The following HSPBP1 variants were observed in gnomAD, a reference collection of about 807,000 sequenced individuals.
HSPBP1 encodes HSPA (Hsp70) binding protein 1.
A neutral mutation model predicts 41.7 loss-of-function variants in HSPBP1; 31 were observed. The observed-to-expected ratio is 0.74, with a 90% CI of 0.56 to 1.00. The LOEUF (loss-of-function observed/expected upper bound fraction) is 1.00. HSPBP1 is among the 50% of genes least tolerant of loss of function. HSPBP1 has a pLI of 0.00. For missense variants in HSPBP1, 439 were observed against 487.9 expected, an observed-to-expected ratio of 0.90 and a Z score of 0.94; for synonymous variants, 199 against 214.4, an observed-to-expected ratio of 0.93 and a Z score of 0.63.
At position 55,275,322 on chromosome 19, in the gene HSPBP1, C is replaced by T. The variant is rs114371669; in HGVS notation, c.416-700G>A. ...CTAAAAAAATGAAATACAGATTCCC[C>T]GTGACCCAGCAATTCCGCACCAAGG... On this transcript the variant is annotated intron_variant, in intron 3 of 7. Coordinates refer to ENST00000433386, the MANE Select transcript of HSPBP1 (RefSeq NM_012267.5). Among the ~76,000 whole-genome samples, 1,406 of 152,242 alleles carry T rather than the reference C, an allele frequency of 9.2e-3. 15 individuals are homozygous for T. The highest frequency in any genetic ancestry group is 0.027 in the African/African-American group (1,140 of 41,508).
chr19:55,265,051 C>T (rs554734659), intron 7 of HSPBP1, among the ~76,000 whole-genome samples: 144 of 150,090 alleles, frequency 9.6e-4, no homozygotes, highest in Non-Finnish European at 1.3e-3. Context: ...TCCCCTCCCC[C>T]GGCACACGAT....
chr19:55,277,273 T>G (rs1422541682), intron 3 of HSPBP1, among the ~76,000 whole-genome samples: 2 of 152,218 alleles, frequency 1.3e-5, no homozygotes, highest in Non-Finnish European at 2.9e-5. Flanking sequence ...CTGTCTGGAA[T>G]GCTTTTCCCA....
intron 7 of HSPBP1, among the ~76,000 whole-genome samples, chr19:55,263,799 A>G (rs2087705276): frequency 6.6e-6 from 1 of 152,176 alleles, no homozygotes; most frequent in African/African-American, 2.4e-5. Flanking sequence ...GGGTAGCCAG[A>G]AGGAGGGGCA....
intron 7 of HSPBP1, among the ~76,000 whole-genome samples, chr19:55,264,337 C>T (rs1246803274): frequency 6.6e-6 from 1 of 152,172 alleles, no homozygotes; most frequent in Non-Finnish European, 1.5e-5. Context: ...TAGAATATAA[C>T]GTCCCAAGGA....
In HSPBP1 at chr19:55,265,885, C is replaced by T; in HGVS notation, c.893+1G>A. On this transcript the variant is annotated splice_donor_variant, in intron 6 of 7. Coordinates refer to ENST00000433386, the MANE Select transcript of HSPBP1 (RefSeq NM_012267.5). LOFTEE classifies it high-confidence loss of function. ...CCCGTCCTCTCAAGGAGCCAAAGTA[C>T]CTGCACAGGGCTCCAAGCACGTGCT... 6.2e-7 allele frequency: 1 copy of T among 1,601,846 alleles called. No individual in the cohort carries two copies. The highest frequency in any genetic ancestry group is 8.5e-7 in the Non-Finnish European group (1 of 1,175,500).
At chr19:55,266,411 T>TACCACCA (rs2087780992) in intron 4 of HSPBP1, 125 bp from the exon 5 acceptor site, 1 of 337,100 alleles carries the variant, frequency 3.0e-6, no homozygotes, top group Non-Finnish European at 4.3e-6. Context: ...CACCACTATC[T>TACCACCA]TCACCACCAT....
At chr19:55,273,785 G>A (rs960789027) in intron 4 of HSPBP1, among the ~76,000 whole-genome samples, 1 of 152,088 alleles carries the variant, frequency 6.6e-6, no homozygotes, top group African/African-American at 2.4e-5. Flanking sequence ...AGGATAAAAA[G>A]AATTTGTGGC....
chr19:55,262,798 C>A, intron 7 of HSPBP1, 116 bp from the exon 8 acceptor site: 1 of 879,438 alleles, frequency 1.1e-6, no homozygotes. Flanking sequence ...ACCCACTCCC[C>A]CCCACCAGAG....
intron 4 of HSPBP1, among the ~76,000 whole-genome samples, chr19:55,273,851 G>A (rs1243437121): frequency 6.6e-6 from 1 of 152,092 alleles, no homozygotes. Flanking sequence ...AAGGCGGGAG[G>A]ATCCCTTGAG....
At chr19:55,267,505 G>C (rs1450024517) in intron 4 of HSPBP1, among the ~76,000 whole-genome samples, 2 of 149,378 alleles carry the variant, frequency 1.3e-5, no homozygotes, top group African/African-American at 2.5e-5. Context: ...CTATCATCCA[G>C]GCTAGAGTGC....
chr19:55,276,471 A>G (rs995963491), intron 3 of HSPBP1, among the ~76,000 whole-genome samples: 2 of 152,124 alleles, frequency 1.3e-5, no homozygotes, highest in Non-Finnish European at 1.5e-5. Context: ...ATACACATAT[A>G]TATTTATATT....
rs3040014 is a variant in HSPBP1 at position 55,279,518 on chromosome 19, AGCC to A, written c.88_90del (p.Gly30del). ...GAATTGCCCGAGCCCCCAGCCGAGGAGCCGCCGCCGCCGCCCCCTGAAGAGCAA... is the reference window on the plus strand; with the variant it reads ...GAATTGCCCGAGCCCCCAGCCGAGGAGCCGCCGCCGCCCCCTGAAGAGCAA... On this transcript the variant is annotated inframe_deletion, in exon 2 of 8. Coordinates refer to ENST00000433386, the MANE Select transcript of HSPBP1 (RefSeq NM_012267.5). 6 of 1,597,846 alleles carry A rather than the reference AGCC, an allele frequency of 3.8e-6. No homozygotes were observed. Among genetic ancestry groups the A allele is most frequent in the East Asian group, 4.5e-5 (2 of 44,082 alleles).
intron 4 of HSPBP1, among the ~76,000 whole-genome samples, chr19:55,273,829 C>T (rs530625497): frequency 6.6e-6 from 1 of 152,166 alleles, no homozygotes; most frequent in African/African-American, 2.4e-5. Flanking sequence ...AACCTCAACA[C>T]TTTCAGAGGC....
rs772659311 is a variant in HSPBP1, at chr19:55,277,765, G to A, written c.292C>T (p.Arg98Ter). The change falls in exon 3 of 8, where the codon CGA (arginine) becomes TGA (stop). Residue 98 changes from arginine (R) to a stop codon, truncating the protein, a stop_gained. Coordinates refer to ENST00000433386, the MANE Select transcript of HSPBP1 (RefSeq NM_012267.5). LOFTEE classifies it high-confidence loss of function. The part of the protein sequence containing the change: ...EEVEQMKSCL[R>*]VLSQPMPPTA... ...GGGGGCATGGGCTGTGACAGCACTCGGAGGCAGCTCTTCATCTGCTCCACC... is the reference window on the plus strand; with the variant it reads ...GGGGGCATGGGCTGTGACAGCACTCAGAGGCAGCTCTTCATCTGCTCCACC... The A allele has an allele frequency of 9.3e-6, 15 of 1,606,628 alleles. No individual in the cohort carries two copies. The East Asian group carries it at 1.1e-4, about 12-fold the overall frequency.
Position 55,262,504 on chromosome 19 carries a change from A to G in HSPBP1, c.*104T>C. On this transcript the variant is annotated 3_prime_UTR_variant, in exon 8 of 8. Coordinates refer to ENST00000433386, the MANE Select transcript of HSPBP1 (RefSeq NM_012267.5). ...AGACGGGCTGGCACACCCTGGGTCC[A>G]GGCACCTAGGCCCTGCGATCCCTTG... The G allele has an allele frequency of 1.3e-6, 2 of 1,525,882 alleles. No individual in the cohort carries two copies. The highest frequency in any genetic ancestry group is 1.4e-5 in the African/African-American group (1 of 72,878). The allele number at this position is 1,525,882 out of a possible 1,614,324, so 94.5% of individuals were successfully genotyped here.
chr19:55,274,903 G>C (rs552292173), intron 3 of HSPBP1, among the ~76,000 whole-genome samples: 1 of 152,142 alleles, frequency 6.6e-6, no homozygotes, highest in Non-Finnish European at 1.5e-5. Context: ...GCCAAGGAGA[G>C]GGGGGCTCAG....
Position 55,274,583 on chromosome 19 carries a change from C to T in HSPBP1, c.455G>A (p.Arg152Gln), listed in dbSNP as rs754973817. ...QLSGMHLLVG[R>Q]YLEAGAAGLR... ...TCCCGCAGCCCCCGCCTCCAGGTAC[C>T]GGCCCACCAGCAGGTGCATGCCAGA... The change falls in exon 4 of 8, where the codon CGG becomes CAG. Residue 152 changes from arginine to glutamine, a missense_variant. Arg to Gln is a conservative substitution (Grantham distance 43). Transcript: ENST00000433386. The T allele has an allele frequency of 1.1e-5, 18 of 1,608,214 alleles. No individual in the cohort carries two copies. The highest frequency in any genetic ancestry group is 2.2e-5 in the South Asian group (2 of 90,968).
intron 7 of HSPBP1, among the ~76,000 whole-genome samples, chr19:55,263,269 T>C (rs1313838298): frequency 6.6e-6 from 1 of 152,186 alleles, no homozygotes; most frequent in Non-Finnish European, 1.5e-5. Flanking sequence ...AAATGTAAAC[T>C]GGACTGGAGT....
At chr19:55,277,566 A>G in intron 3 of HSPBP1, 76 bp downstream of exon 3, 1 of 1,451,650 alleles carries the variant, frequency 6.9e-7, no homozygotes, top group Non-Finnish European at 9.5e-7. Flanking sequence ...GTGAGCCCCA[A>G]GAGTAGGGGC....
Sources: allele counts gnomAD v4.1 joint callset (sites outside exome capture counted in the v4.1 genomes callset), GRCh38; gene constraint gnomAD v4.1.1; transcripts MANE v1.5; gene names NCBI Gene and HGNC (gene_info 2026-07-23, HGNC 2026-07-21).